CTDP1: variants seen among roughly 807,000 people sequenced by gnomAD.
The protein encoded by CTDP1 is CTD phosphatase 1, also known as RNA polymerase II subunit A C-terminal domain phosphatase.
A neutral mutation model predicts 91.8 loss-of-function variants in CTDP1; 47 were observed. The ratio of observed to expected loss-of-function variants is 0.51; its 90% confidence interval spans 0.41 to 0.65. CTDP1 has a LOEUF of 0.65. CTDP1 is among the 30% of genes least tolerant of loss of function. The pLI is 0.00. For synonymous variants in CTDP1, 656 were observed against 598.5 expected (o/e 1.10, Z -1.40); for missense variants, 1,272 against 1,373.7 (o/e 0.93, Z 1.17).
In CTDP1 at chr18:79,753,873, C is replaced by T; in HGVS notation, c.*83C>T. The T allele has an allele frequency of 2.0e-6, 3 of 1,527,626 alleles. No homozygotes were observed. Among genetic ancestry groups the T allele is most frequent in the Admixed American group, 1.9e-5 (1 of 51,768 alleles). The allele number at this position is 1,527,626 out of a possible 1,614,324, so 94.6% of individuals were successfully genotyped here. ...CCCGGACCAGCCCTCAGTCTCGGTC[C>T]ACGCTGCTTTCTTCCCAAAGGACAT... On this transcript the variant is annotated 3_prime_UTR_variant, in exon 13 of 13. Transcript: ENST00000613122.
In CTDP1 at chr18:79,717,379, G is replaced by A. The variant is rs2242177; in HGVS notation, c.2069-156G>A. Among the ~76,000 whole-genome samples the A allele has an allele frequency of 0.31, 46,595 of 149,804 alleles. 8,552 individuals are homozygous for A. The highest frequency in any genetic ancestry group is 0.41 in the East Asian group (2,042 of 4,956). On this transcript the variant is annotated intron_variant, in intron 8 of 12. Transcript: ENST00000613122. ...TGAGGGCCCTGAGCCCTGCAGGGGT[G>A]CAGTCAGGTGAAGGCCCTGGTGGGA...
At chr18:79,694,720 C>T (rs987024520) in intron 1 of CTDP1, among the ~76,000 whole-genome samples, 3 of 152,220 alleles carry the variant, frequency 2.0e-5, no homozygotes, top group African/African-American at 4.8e-5. Context: ...TCTTCCATGG[C>T]TTCTGCCAGA....
chr18:79,716,281 G>A (rs896079283), intron 8 of CTDP1, among the ~76,000 whole-genome samples: 2 of 152,220 alleles, frequency 1.3e-5, no homozygotes, highest in Non-Finnish European at 2.9e-5. Context: ...AAAGCCTTGT[G>A]GGGTGAGCTC....
At chr18:79,707,821 A>T (rs186738758) in intron 5 of CTDP1, among the ~76,000 whole-genome samples, 118 of 152,200 alleles carry the variant, frequency 7.8e-4, no homozygotes, top group African/African-American at 2.7e-3. Flanking sequence ...CTGAAGCCTG[A>T]GGTGGTCGCC....
At chr18:79,718,901 G>A (rs2086274733) in intron 10 of CTDP1, among the ~76,000 whole-genome samples, 1 of 152,182 alleles carries the variant, frequency 6.6e-6, no homozygotes, top group Non-Finnish European at 1.5e-5. Flanking sequence ...GGAGACGGGT[G>A]CTCACGGTTA....
At chr18:79,733,547 G>C (rs1439848713) in intron 11 of CTDP1, among the ~76,000 whole-genome samples, 2 of 151,954 alleles carry the variant, frequency 1.3e-5, no homozygotes, top group African/African-American at 4.8e-5. Flanking sequence ...TGCCTGTTCT[G>C]CTGGGCCCCA....
chr18:79,687,277 A>T (rs369795489), intron 1 of CTDP1, among the ~76,000 whole-genome samples: 2 of 105,944 alleles, frequency 1.9e-5, no homozygotes, highest in East Asian at 3.0e-4. Flanking sequence ...GGCCTGCACC[A>T]GAGCAGTTGG....
intron 10 of CTDP1, among the ~76,000 whole-genome samples, chr18:79,721,640 T>TAA (rs1313639962): frequency 6.6e-6 from 1 of 152,086 alleles, no homozygotes; most frequent in Non-Finnish European, 1.5e-5. Context: ...GTAGTCCCAG[T>TAA]GCTTTGGGAG....
rs113965186 is a variant in CTDP1, at chr18:79,707,250, T to C, written c.772+2333T>C. On this transcript the variant is annotated intron_variant, in intron 5 of 12. Coordinates refer to ENST00000613122, the MANE Select transcript of CTDP1 (RefSeq NM_004715.5). The stretch of plus-strand genomic sequence containing the variant: ...CAGGGTATGGGTCACCACAGTCTGA[T>C]TCCACGTTCATGAGGCCTCGTGTGG... 3.2e-3 allele frequency among the ~76,000 whole-genome samples: 482 copies of C among 152,332 alleles called. 3 individuals are homozygous for C. The highest frequency in any genetic ancestry group is 0.011 in the African/African-American group (459 of 41,572).
intron 12 of CTDP1, among the ~76,000 whole-genome samples, chr18:79,743,140 CG>C (rs1980338848): frequency 6.6e-6 from 1 of 152,202 alleles, no homozygotes; most frequent in African/African-American, 2.4e-5. Context: ...TTGGTCTCAC[CG>C]TGCTCCGAGT....
chr18:79,693,582 A>G (rs2085667574), intron 1 of CTDP1, among the ~76,000 whole-genome samples: 1 of 152,166 alleles, frequency 6.6e-6, no homozygotes, highest in Admixed American at 6.5e-5. Context: ...GGACGTGAGT[A>G]AACGCGGAAT....
At chr18:79,720,798 C>A (rs1189479183) in intron 10 of CTDP1, among the ~76,000 whole-genome samples, 3 of 152,166 alleles carry the variant, frequency 2.0e-5, no homozygotes, top group Non-Finnish European at 4.4e-5. Flanking sequence ...TGTCATCAGG[C>A]CTTGAGTCTA....
rs115000070 is a variant in CTDP1 at position 79,736,856 on chromosome 18, C to A, written c.2747+335C>A. The stretch of plus-strand genomic sequence containing the variant: ...CAGGCATGTGTGAGGTGTCTACAGG[C>A]GTGTGTGAGGTATCTACACGTGCGC... On this transcript the variant is annotated intron_variant, in intron 12 of 12. Coordinates refer to ENST00000613122, the MANE Select transcript of CTDP1 (RefSeq NM_004715.5). 4.4e-3 allele frequency among the ~76,000 whole-genome samples: 616 copies of A among 140,774 alleles called. 2 individuals are homozygous for A. The highest frequency in any genetic ancestry group is 0.015 in the African/African-American group (553 of 37,694). The allele number at this position is 140,774 out of a possible 152,430, so 92.4% of individuals were successfully genotyped here.
chr18:79,693,119 G>C (rs1163520020), intron 1 of CTDP1, among the ~76,000 whole-genome samples: 1 of 152,236 alleles, frequency 6.6e-6, no homozygotes, highest in Non-Finnish European at 1.5e-5. Context: ...AGACTCCTGG[G>C]CGGGGATGGC....
At chr18:79,736,207 A>G in intron 11 of CTDP1, 148 bp from the exon 12 acceptor site, 3 of 1,029,440 alleles carry the variant, frequency 2.9e-6, no homozygotes, top group Non-Finnish European at 4.4e-6. Context: ...GTTGAGTTTC[A>G]AGCCCCAGGG....
At chr18:79,702,408 G>A (rs1316106084) in intron 4 of CTDP1, among the ~76,000 whole-genome samples, 4 of 152,006 alleles carry the variant, frequency 2.6e-5, no homozygotes, top group Non-Finnish European at 4.4e-5. Context: ...GAGTCTTGCT[G>A]GGTTGCCCAG....
At chr18:79,689,948 T>C (rs1183411969) in intron 1 of CTDP1, among the ~76,000 whole-genome samples, 1 of 152,198 alleles carries the variant, frequency 6.6e-6, no homozygotes, top group Non-Finnish European at 1.5e-5. Flanking sequence ...CATTGCCGCC[T>C]TGTCTGCATA....
At position 79,754,119 on chromosome 18, in the gene CTDP1, C is replaced by T; in HGVS notation, c.*329C>T. On this transcript the variant is annotated 3_prime_UTR_variant, in exon 13 of 13. Transcript: ENST00000613122. ...TGTGTTTTCCCCTTGTGTACCAGAG[C>T]ACATTCCTTAGGGGACGGCTTTGGG... 1 of 399,638 alleles carries T rather than the reference C, an allele frequency of 2.5e-6. No individual in the cohort carries two copies. Among genetic ancestry groups the T allele is most frequent in the Non-Finnish European group, 4.8e-6 (1 of 210,284 alleles). The allele number at this position is 399,638 out of a possible 1,614,324, so 24.8% of individuals were successfully genotyped here. A position where few individuals can be genotyped will look rare whatever the true frequency, so the allele number is the denominator to read the frequency against.
At chr18:79,707,856 A>G (rs1243448762) in intron 5 of CTDP1, among the ~76,000 whole-genome samples, 1 of 152,186 alleles carries the variant, frequency 6.6e-6, no homozygotes, top group African/African-American at 2.4e-5. Flanking sequence ...GATGCTTTTC[A>G]TTTTGAAAGT....
Sources: allele counts gnomAD v4.1 joint callset (sites outside exome capture counted in the v4.1 genomes callset), GRCh38; gene constraint gnomAD v4.1.1; transcripts MANE v1.5; gene names NCBI Gene and HGNC (gene_info 2026-07-23, HGNC 2026-07-21).